Variants in SNTG2 observed in about 807,000 individuals in gnomAD.
The protein encoded by SNTG2 is syntrophin gamma 2.
Under a neutral mutation model 70.9 loss-of-function variants are expected in SNTG2, and 74 were observed. That is an observed-to-expected ratio of 1.04 (90% confidence interval 0.86 to 1.27). The LOEUF is 1.27. Among genes scored for constraint, SNTG2 ranks in the 50% most tolerant of loss-of-function variants. The pLI, the probability that SNTG2 is intolerant of heterozygous loss-of-function variation, is 0.00. For missense variants in SNTG2, 717 were observed against 690.7 expected, an observed-to-expected ratio of 1.04 and a Z score of -0.43; for synonymous variants, 278 against 273.8, an observed-to-expected ratio of 1.02 and a Z score of -0.15.
At chr2:1,081,245 C>G (rs1664270814) in intron 1 of SNTG2, among the ~76,000 whole-genome samples, 1 of 152,172 alleles carries the variant, frequency 6.6e-6, no homozygotes, top group Non-Finnish European at 1.5e-5. Context: ...TGGGGGATGC[C>G]CACTTGTCAT....
chr2:1,255,927 A>T (rs1250247218), intron 12 of SNTG2, among the ~76,000 whole-genome samples: 10 of 36,706 alleles, frequency 2.7e-4, no homozygotes, highest in South Asian at 1.2e-3. Flanking sequence ...TAAATATATA[A>T]ATATATAAAT....
chr2:1,267,098 A>G (rs1005861178), intron 13 of SNTG2, among the ~76,000 whole-genome samples: 21 of 152,166 alleles, frequency 1.4e-4, no homozygotes, highest in African/African-American at 5.1e-4. Context: ...GTAAAACAGG[A>G]AAGTGTGTGG....
At position 1,197,515 on chromosome 2, in the gene SNTG2, A is replaced by G. The variant is rs370150829; in HGVS notation, c.592-11588A>G. Among the ~76,000 whole-genome samples, 177 of 128,374 alleles carry G rather than the reference A, an allele frequency of 1.4e-3. 1 individual carries two copies. The highest frequency in any genetic ancestry group is 3.7e-3 in the Middle Eastern group (1 of 270). The allele number at this position is 128,374 out of a possible 152,430, so 84.2% of individuals were successfully genotyped here. A position where few individuals can be genotyped will look rare whatever the true frequency, so the allele number is the denominator to read the frequency against. On this transcript the variant is annotated intron_variant, in intron 8 of 16. Transcript: ENST00000308624. ...TATGTATATATGTGTATGTATATATATGTGTGTGTGTGTGTGTGTGTGTGT... is the reference window on the plus strand; with the variant it reads ...TATGTATATATGTGTATGTATATATGTGTGTGTGTGTGTGTGTGTGTGTGT...
intron 6 of SNTG2, among the ~76,000 whole-genome samples, chr2:1,146,319 T>G (rs561813120): frequency 3.9e-5 from 6 of 152,264 alleles, no homozygotes; most frequent in South Asian, 2.1e-4. Context: ...CTAAAAGAAA[T>G]AAATTACTTA....
chr2:956,085 ATG>A (rs1660134248), intron 1 of SNTG2, among the ~76,000 whole-genome samples: 1 of 86,826 alleles, frequency 1.2e-5, no homozygotes, highest in African/African-American at 4.6e-5. Context: ...CTTGTGCCAA[ATG>A]CTCCGCACCT....
At chr2:1,349,595 C>T (rs938197340) in intron 16 of SNTG2, among the ~76,000 whole-genome samples, 1 of 152,190 alleles carries the variant, frequency 6.6e-6, no homozygotes, top group South Asian at 2.1e-4. Flanking sequence ...GGGCCTGTGC[C>T]CAGGCATGAA....
At chr2:1,307,335 T>G (rs1409700522) in intron 14 of SNTG2, among the ~76,000 whole-genome samples, 1 of 140,816 alleles carries the variant, frequency 7.1e-6, no homozygotes. Flanking sequence ...TGTGTGTGTG[T>G]GGTGTATGAG....
At chr2:959,121 C>A (rs575470282) in intron 1 of SNTG2, among the ~76,000 whole-genome samples, 1 of 151,834 alleles carries the variant, frequency 6.6e-6, no homozygotes, top group Non-Finnish European at 1.5e-5. Context: ...AAATTCATTT[C>A]TATGTTGAAT....
At chr2:1,012,452 C>T (rs1382390453) in intron 1 of SNTG2, among the ~76,000 whole-genome samples, 2 of 152,202 alleles carry the variant, frequency 1.3e-5, no homozygotes, top group African/African-American at 2.4e-5. Context: ...CAGGCTTAAT[C>T]GATAGTCACA....
intron 6 of SNTG2, among the ~76,000 whole-genome samples, chr2:1,140,746 TG>T (rs1269741821): frequency 1.3e-5 from 2 of 152,208 alleles, no homozygotes; most frequent in East Asian, 3.9e-4. Flanking sequence ...ACGTCTCAAA[TG>T]TTAAAGTAAG....
At chr2:1,159,064 CTG>C (rs1453329056) in intron 6 of SNTG2, among the ~76,000 whole-genome samples, 4 of 150,978 alleles carry the variant, frequency 2.6e-5, no homozygotes, top group Non-Finnish European at 5.9e-5. Context: ...ACGGGTGTAC[CTG>C]TGTGTGCACG....
chr2:1,168,574 T>C (rs1670910275), intron 7 of SNTG2, among the ~76,000 whole-genome samples: 3 of 152,240 alleles, frequency 2.0e-5, no homozygotes, highest in African/African-American at 7.2e-5. Context: ...ATTAGACTCA[T>C]AGCATGACTT....
intron 4 of SNTG2, among the ~76,000 whole-genome samples, chr2:1,125,969 C>T (rs1359901472): frequency 1.3e-5 from 2 of 152,108 alleles, no homozygotes; most frequent in African/African-American, 4.8e-5. Context: ...TTCATCATCT[C>T]CAACATTTAT....
At chr2:1,016,064 TA>T (rs1011710100) in intron 1 of SNTG2, among the ~76,000 whole-genome samples, 1 of 152,190 alleles carries the variant, frequency 6.6e-6, no homozygotes, top group Non-Finnish European at 1.5e-5. Flanking sequence ...ACATTACTGT[TA>T]AAATGGATTA....
intron 1 of SNTG2, among the ~76,000 whole-genome samples, chr2:1,051,727 G>A (rs1048553112): frequency 2.0e-5 from 3 of 152,166 alleles, no homozygotes; most frequent in African/African-American, 4.8e-5. Flanking sequence ...TAAAGCCTCC[G>A]GCAGCCACCA....
chr2:1,199,869 C>T (rs560404357), intron 8 of SNTG2, among the ~76,000 whole-genome samples: 41 of 151,850 alleles, frequency 2.7e-4, no homozygotes, highest in Non-Finnish European at 3.1e-4. Flanking sequence ...TTGAAGAAAA[C>T]GCAAACTAAT....
chr2:1,222,028 CCTATCTCTGTCTCTCTCTGT>C lies in SNTG2; in HGVS notation c.719+12801_719+12820del, dbSNP rs1558552918. On this transcript the variant is annotated intron_variant, in intron 9 of 16. Coordinates refer to ENST00000308624, the MANE Select transcript of SNTG2 (RefSeq NM_018968.4). Reference sequence around the variant, plus strand: ...CTCTCTCTGTCTCTCTCTGTCTCTGCCTATCTCTGTCTCTCTCTGTCTCTCTCTGTCTCTGTTTCTCTCTG... The same window carrying C: ...CTCTCTCTGTCTCTCTCTGTCTCTGCCTCTCTCTGTCTCTGTTTCTCTCTG... Among the ~76,000 whole-genome samples, 6 of 1,386 alleles carry C rather than the reference CCTATCTCTGTCTCTCTCTGT, an allele frequency of 4.3e-3. 1 individual carries two copies. Among genetic ancestry groups the C allele is most frequent in the Non-Finnish European group, 0.01 (6 of 600 alleles). 0.9% of individuals were successfully genotyped at this position (1,386 alleles called of 152,430 possible).
chr2:1,309,711 T>G (rs1215985386), intron 15 of SNTG2, among the ~76,000 whole-genome samples: 2 of 152,260 alleles, frequency 1.3e-5, no homozygotes, highest in African/African-American at 4.8e-5. Flanking sequence ...ATGGAGTCAT[T>G]GTTCCCCTCC....
At chr2:1,022,652 G>A (rs1284772282) in intron 1 of SNTG2, among the ~76,000 whole-genome samples, 1 of 152,018 alleles carries the variant, frequency 6.6e-6, no homozygotes, top group East Asian at 2.0e-4. Context: ...TGAAGCCCCC[G>A]AGTTTTTGTG....
Sources: allele counts gnomAD v4.1 joint callset (sites outside exome capture counted in the v4.1 genomes callset), GRCh38; gene constraint gnomAD v4.1.1; transcripts MANE v1.5; gene names NCBI Gene and HGNC (gene_info 2026-07-23, HGNC 2026-07-21).